PEX5L: variants seen among roughly 807,000 people sequenced by gnomAD.
The protein encoded by PEX5L is PEX5-related protein.
PEX5L carries 30 observed loss-of-function variants against 84.0 expected under a neutral mutation model. That is an observed-to-expected ratio of 0.36 (90% CI 0.27 to 0.48). The LOEUF is 0.48. Ranked by LOEUF, PEX5L falls within the 20% of genes least tolerant of loss-of-function variation. The pLI, the probability that PEX5L is intolerant of heterozygous loss-of-function variation, is 0.99. For synonymous variants in PEX5L, 270 were observed against 283.1 expected (o/e 0.95, Z 0.46); for missense variants, 533 against 754.6 (o/e 0.71, Z 3.44).
chr3:179,819,842 AG>A lies in PEX5L; in HGVS notation c.939+17del. 1 of 1,611,264 alleles carries A rather than the reference AG, an allele frequency of 6.2e-7. No homozygotes were observed. Among genetic ancestry groups the A allele is most frequent in the East Asian group, 2.2e-5 (1 of 44,854 alleles). Reference sequence around the variant, plus strand: ...GTGGAGAAAAGTAGTCAGCATGTATAGGAACAGAATTGGTTACCTTCTCACT... The same window carrying A: ...GTGGAGAAAAGTAGTCAGCATGTATAGAACAGAATTGGTTACCTTCTCACT... On this transcript the variant is annotated intron_variant, in intron 9 of 14. Transcript: ENST00000467460.
At chr3:179,838,923 A>T (rs1736001086) in intron 8 of PEX5L, among the ~76,000 whole-genome samples, 1 of 152,124 alleles carries the variant, frequency 6.6e-6, no homozygotes, top group African/African-American at 2.4e-5. Flanking sequence ...GCTTTTAAGG[A>T]GAAAAAGTTT....
intron 11 of PEX5L, 102 bp downstream of exon 11, chr3:179,811,699 C>A (rs1307492905): frequency 1.1e-6 from 1 of 899,296 alleles, no homozygotes; most frequent in Non-Finnish European, 1.9e-6. Flanking sequence ...TTTACAAATT[C>A]TTTACACTGT....
rs73058652 is a variant in PEX5L, at chr3:179,841,266, C to T, written c.822+17796G>A. Among the ~76,000 whole-genome samples, 1,014 of 152,288 alleles carry T rather than the reference C, an allele frequency of 6.7e-3. 14 individuals are homozygous for T. The highest frequency in any genetic ancestry group is 0.023 in the African/African-American group (958 of 41,542). On this transcript the variant is annotated intron_variant, in intron 8 of 14. Transcript: ENST00000467460. ...ACCTGCTTTCTAACCACACACTCAT[C>T]TGCGCCTCTGTACATTTGCATGTAT...
chr3:180,001,858 A>T (rs984970913), intron 1 of PEX5L, among the ~76,000 whole-genome samples: 3 of 152,176 alleles, frequency 2.0e-5, no homozygotes, highest in African/African-American at 7.2e-5. Context: ...AATAATCAAC[A>T]AGATAATGTT....
At chr3:179,821,944 C>G (rs1577271813) in intron 8 of PEX5L, among the ~76,000 whole-genome samples, 2 of 152,164 alleles carry the variant, frequency 1.3e-5, no homozygotes, top group Non-Finnish European at 2.9e-5. Context: ...GATGAGCATA[C>G]TTTGCTTTTA....
chr3:179,962,725 A>G (rs1036138473), intron 2 of PEX5L, among the ~76,000 whole-genome samples: 3 of 152,206 alleles, frequency 2.0e-5, no homozygotes, highest in Non-Finnish European at 4.4e-5. Context: ...CTTCCACAAT[A>G]AAAGGCTGAA....
intron 8 of PEX5L, among the ~76,000 whole-genome samples, chr3:179,850,325 C>T (rs1741337177): frequency 6.6e-6 from 1 of 151,964 alleles, no homozygotes; most frequent in Non-Finnish European, 1.5e-5. Context: ...CGGGGTTTCA[C>T]CATGTTGGTC....
At chr3:179,815,517 G>A (rs1314355915) in intron 10 of PEX5L, among the ~76,000 whole-genome samples, 2 of 152,176 alleles carry the variant, frequency 1.3e-5, no homozygotes, top group Admixed American at 1.3e-4. Flanking sequence ...CCTGGGAGGC[G>A]GAGGTTGCAG....
intron 1 of PEX5L, among the ~76,000 whole-genome samples, chr3:180,006,785 C>G (rs531474504): frequency 6.6e-6 from 1 of 152,282 alleles, no homozygotes; most frequent in East Asian, 1.9e-4. Context: ...GAGACTTATT[C>G]ACTATCATGA....
chr3:179,828,910 A>G (rs1214259798), intron 8 of PEX5L, among the ~76,000 whole-genome samples: 1 of 152,228 alleles, frequency 6.6e-6, no homozygotes, highest in Non-Finnish European at 1.5e-5. Context: ...TGTGTGAATC[A>G]GAATTCTTCA....
intron 8 of PEX5L, among the ~76,000 whole-genome samples, chr3:179,839,511 T>C (rs1736241508): frequency 6.6e-6 from 1 of 152,210 alleles, no homozygotes; most frequent in African/African-American, 2.4e-5. Flanking sequence ...AGCGCTAGAT[T>C]ATTAAATCTT....
Position 179,797,608 on chromosome 3 carries a change from ATATATAT to A in PEX5L, c.*4213_*4219del, listed in dbSNP as rs1481622843. On this transcript the variant is annotated 3_prime_UTR_variant, in exon 15 of 15. Coordinates refer to ENST00000467460, the MANE Select transcript of PEX5L (RefSeq NM_016559.3). ...ACTCTTTAAAAAAAAAAAAAAAAATATATATATATATATATATATATATCTACTTCTT... is the reference window on the plus strand; with the variant it reads ...ACTCTTTAAAAAAAAAAAAAAAAATAATATATATATATATATCTACTTCTT... The A allele has an allele frequency of 1.7e-4, 9 of 53,958 alleles. No individual in the cohort carries two copies. Among genetic ancestry groups the A allele is most frequent in the African/African-American group, 6.2e-4 (9 of 14,438 alleles). 3.3% of individuals were successfully genotyped at this position (53,958 alleles called of 1,614,324 possible).
At chr3:180,033,016 A>T (rs1330017086) in intron 1 of PEX5L, among the ~76,000 whole-genome samples, 1 of 152,212 alleles carries the variant, frequency 6.6e-6, no homozygotes, top group African/African-American at 2.4e-5. Flanking sequence ...TCTTACCTTC[A>T]ATTGGTTTCT....
At chr3:180,011,299 G>T (rs999377671) in intron 1 of PEX5L, among the ~76,000 whole-genome samples, 26 of 152,162 alleles carry the variant, frequency 1.7e-4, no homozygotes, top group African/African-American at 5.3e-4. Flanking sequence ...GTTGCTAAGA[G>T]AAAAGCTTCT....
chr3:179,815,778 C>T, intron 10 of PEX5L, 83 bp downstream of exon 10: 1 of 1,459,774 alleles, frequency 6.9e-7, no homozygotes, highest in South Asian at 1.2e-5. Flanking sequence ...TGATGAAAAG[C>T]TGACCCAGCA....
chr3:179,870,706 C>T (rs1232019718), intron 7 of PEX5L, among the ~76,000 whole-genome samples: 1 of 152,186 alleles, frequency 6.6e-6, no homozygotes, highest in Non-Finnish European at 1.5e-5. Flanking sequence ...TCATCTGGGC[C>T]TTCCCTGAGT....
At chr3:179,957,577 A>G (rs2110057235) in intron 2 of PEX5L, among the ~76,000 whole-genome samples, 1 of 152,336 alleles carries the variant, frequency 6.6e-6, no homozygotes, top group African/African-American at 2.4e-5. Context: ...CCTGAGAAGA[A>G]AGGTCAGCTC....
chr3:179,872,808 T>C (rs1040382572), intron 7 of PEX5L, among the ~76,000 whole-genome samples: 8 of 152,242 alleles, frequency 5.3e-5, no homozygotes, highest in African/African-American at 1.9e-4. Context: ...CCAATCACTT[T>C]AGCTGAGCCT....
At chr3:179,959,793 A>T (rs1781558201) in intron 2 of PEX5L, among the ~76,000 whole-genome samples, 1 of 152,102 alleles carries the variant, frequency 6.6e-6, no homozygotes, top group Non-Finnish European at 1.5e-5. Flanking sequence ...CTGTTTCTCC[A>T]CTGTTCCTTC....
Sources: gnomAD v4.1 joint callset for allele counts (sites outside exome capture counted in the v4.1 genomes callset) on GRCh38, gnomAD v4.1.1 for gene constraint, MANE v1.5 for transcripts, NCBI Gene and HGNC (gene_info 2026-07-23, HGNC 2026-07-21) for gene names.